Variants in NHS observed in about 807,000 individuals in gnomAD.
The protein encoded by NHS is NHS actin remodeling regulator.
Under a neutral mutation model 72.5 loss-of-function variants are expected in NHS, and 5 were observed. The ratio of observed to expected loss-of-function variants is 0.07; its 90% CI spans 0.04 to 0.14. The LOEUF is 0.14. Ranked by LOEUF, NHS falls within the 10% of genes least tolerant of loss-of-function variation. The pLI, the probability that NHS is intolerant of heterozygous loss-of-function variation, is 1.00. For synonymous variants in NHS, 464 were observed against 547.7 expected (o/e 0.85, Z 2.13); for missense variants, 1,072 against 1,355.7 (o/e 0.79, Z 3.29).
At chrX:17,456,742 T>A (rs1320833927) in intron 1 of NHS, among the ~76,000 whole-genome samples, 1 of 111,932 alleles carries the variant, frequency 8.9e-6, no homozygotes, top group Non-Finnish European at 1.9e-5. Context: ...ACAAGTAGGC[T>A]ATGTGTGGCT....
At chrX:17,706,603 G>A (rs2066297726) in intron 3 of NHS, among the ~76,000 whole-genome samples, 1 of 111,671 alleles carries the variant, frequency 9.0e-6, no homozygotes, top group Non-Finnish European at 1.9e-5. Flanking sequence ...ATGACTTCAG[G>A]TGAAGGTGAG....
chrX:17,609,618 T>G (rs2065699246), intron 1 of NHS, among the ~76,000 whole-genome samples: 1 of 111,900 alleles, frequency 8.9e-6, no homozygotes, highest in African/African-American at 3.3e-5. Context: ...GTTAGCATGT[T>G]GAGAGATGAT....
chrX:17,672,003 C>A (rs1323493211), intron 1 of NHS, among the ~76,000 whole-genome samples: 2 of 111,388 alleles, frequency 1.8e-5, no homozygotes, highest in Non-Finnish European at 3.8e-5. Context: ...AGGGATGGGA[C>A]ATACAGGAAG....
chrX:17,597,419 C>T (rs2065629951), intron 1 of NHS, among the ~76,000 whole-genome samples: 1 of 107,351 alleles, frequency 9.3e-6, no homozygotes, highest in South Asian at 4.2e-4. Context: ...GCCACCGCGC[C>T]TGGCTATTCT....
chrX:17,680,177 C>T (rs2066118378), intron 1 of NHS, among the ~76,000 whole-genome samples: 1 of 111,513 alleles, frequency 9.0e-6, no homozygotes, highest in Non-Finnish European at 1.9e-5. Context: ...TGTTTTTTTT[C>T]CCCTCCTAAA....
intron 3 of NHS, among the ~76,000 whole-genome samples, chrX:17,693,739 T>C (rs939188480): frequency 3.5e-5 from 4 of 112,833 alleles, no homozygotes; most frequent in African/African-American, 1.3e-4. Flanking sequence ...GAGCGCCGTG[T>C]TGCACTTACT....
Position 17,574,343 on chromosome X carries a change from C to T in NHS, c.566-113399C>T, listed in dbSNP as rs764464869. Among the ~76,000 whole-genome samples, 14 of 112,234 alleles carry T rather than the reference C, an allele frequency of 1.2e-4. No individual in the cohort carries two copies. The East Asian group carries it at 3.7e-3, about 30-fold the overall frequency. On this transcript the variant is annotated intron_variant, in intron 1 of 8. Coordinates refer to ENST00000676302, the MANE Select transcript of NHS (RefSeq NM_001291867.2). ...GAGCTGCGGTGGGCTCTGCCCAGTT[C>T]GAGCTTCCCTGCCACTTTGTTTACA...
intron 1 of NHS, among the ~76,000 whole-genome samples, chrX:17,395,113 C>G (rs1257072686): frequency 9.1e-6 from 1 of 109,687 alleles, no homozygotes; most frequent in Non-Finnish European, 1.9e-5. Context: ...CCTCCCATCA[C>G]CACCACCTTA....
chrX:17,452,628 C>T (rs1254037269), intron 1 of NHS, among the ~76,000 whole-genome samples: 3 of 111,435 alleles, frequency 2.7e-5, no homozygotes, highest in African/African-American at 6.5e-5. Flanking sequence ...TCTCAGTTCA[C>T]ATTCTCCAGG....
At chrX:17,444,942 A>G (rs2064771703) in intron 1 of NHS, among the ~76,000 whole-genome samples, 1 of 110,457 alleles carries the variant, frequency 9.1e-6, no homozygotes, top group Admixed American at 9.7e-5. Context: ...AGCATCATTT[A>G]CTTATGATGG....
At chrX:17,678,162 G>A (rs1188243002) in intron 1 of NHS, among the ~76,000 whole-genome samples, 1 of 111,287 alleles carries the variant, frequency 9.0e-6, no homozygotes, top group Non-Finnish European at 1.9e-5. Context: ...ATTTAGAAAC[G>A]TACTTGAAAA....
At chrX:17,623,317 G>C (rs2065782961) in intron 1 of NHS, among the ~76,000 whole-genome samples, 1 of 111,941 alleles carries the variant, frequency 8.9e-6, no homozygotes, top group African/African-American at 3.3e-5. Context: ...ATGAGGCAGA[G>C]GCAGTTACTG....
chrX:17,698,150 T>G (rs2066242306), intron 3 of NHS, among the ~76,000 whole-genome samples: 1 of 111,477 alleles, frequency 9.0e-6, no homozygotes, highest in Non-Finnish European at 1.9e-5. Context: ...AACTATATGC[T>G]CTATACATTA....
At chrX:17,491,288 G>C (rs905435283) in intron 1 of NHS, among the ~76,000 whole-genome samples, 9 of 111,626 alleles carry the variant, frequency 8.1e-5, no homozygotes, top group African/African-American at 2.9e-4. Context: ...TTATTATTTT[G>C]AGATACGTTC....
intron 1 of NHS, among the ~76,000 whole-genome samples, chrX:17,610,903 A>G (rs1438279444): frequency 3.6e-5 from 4 of 112,659 alleles, no homozygotes; most frequent in South Asian, 3.7e-4. Flanking sequence ...GTGTAATCAC[A>G]TAGATCTGTA....
intron 1 of NHS, among the ~76,000 whole-genome samples, chrX:17,389,586 CTTATTTATTTATTTAT>C (rs554552712): frequency 9.8e-6 from 1 of 102,319 alleles, no homozygotes; most frequent in Non-Finnish European, 1.9e-5. Flanking sequence ...CTTTTATTTT[CTTATTTATTTATTTAT>C]TTATTTATTT....
intron 1 of NHS, among the ~76,000 whole-genome samples, chrX:17,486,690 A>T (rs1944055533): frequency 8.9e-6 from 1 of 112,107 alleles, no homozygotes; most frequent in South Asian, 3.7e-4. Flanking sequence ...AAGTAGTAAA[A>T]TATACTTTGC....
In NHS at chrX:17,660,002, A is replaced by G. The variant is rs191898292; in HGVS notation, c.566-27740A>G. 1.7e-3 allele frequency among the ~76,000 whole-genome samples: 195 copies of G among 112,025 alleles called. 1 individual carries two copies. The highest frequency in any genetic ancestry group is 0.014 in the Middle Eastern group (3 of 218). ...TAGACTCCTTCTCCAGCCCTTTCTG[A>G]GATGTCCAATTGGGACATTTTTAAT... On this transcript the variant is annotated intron_variant, in intron 1 of 8. Coordinates refer to ENST00000676302, the MANE Select transcript of NHS (RefSeq NM_001291867.2).
chrX:17,580,869 T>G (rs1373092401), intron 1 of NHS, among the ~76,000 whole-genome samples: 1 of 112,632 alleles, frequency 8.9e-6, no homozygotes, highest in African/African-American at 3.2e-5. Context: ...GAATGAAGCA[T>G]GCATGTCGGG....
Sources: gnomAD v4.1 joint callset for allele counts (sites outside exome capture counted in the v4.1 genomes callset) on GRCh38, gnomAD v4.1.1 for gene constraint, MANE v1.5 for transcripts, NCBI Gene and HGNC (gene_info 2026-07-23, HGNC 2026-07-21) for gene names.